Variants in TJP2 observed in about 807,000 individuals in gnomAD.
The protein encoded by TJP2 is Friedreich ataxia region gene X104 (tight junction protein ZO-2).
Under a neutral mutation model 133.1 loss-of-function variants are expected in TJP2, and 91 were observed. That is an observed-to-expected ratio of 0.68 (90% CI 0.58 to 0.81). The LOEUF (loss-of-function observed/expected upper bound fraction) is 0.81. Ranked by LOEUF, TJP2 falls within the 40% of genes least tolerant of loss-of-function variation. The pLI, the probability that TJP2 is intolerant of heterozygous loss-of-function variation, is 0.00. For missense variants in TJP2, 1,541 were observed against 1,565.6 expected, an observed-to-expected ratio of 0.98 and a Z score of 0.26; for synonymous variants, 592 against 583.4, an observed-to-expected ratio of 1.01 and a Z score of -0.21.
chr9:69,204,619 T>G (rs955346090), intron 1 of TJP2, among the ~76,000 whole-genome samples: 2 of 152,236 alleles, frequency 1.3e-5, no homozygotes, highest in African/African-American at 2.4e-5. Flanking sequence ...CAAATGAGTC[T>G]TATCTTCCCC....
intron 2 of TJP2, among the ~76,000 whole-genome samples, chr9:69,155,628 G>T (rs567845779): frequency 2.0e-5 from 3 of 152,220 alleles, no homozygotes; most frequent in Non-Finnish European, 4.4e-5. Flanking sequence ...TGGTGTGTGT[G>T]GCCAGTTTCT....
chr9:69,136,677 TACA>T (rs1188292935), intron 1 of TJP2, among the ~76,000 whole-genome samples: 1 of 152,176 alleles, frequency 6.6e-6, no homozygotes, highest in Non-Finnish European at 1.5e-5. Flanking sequence ...AGGAGGAAAC[TACA>T]TCCATTTCCT....
chr9:69,248,506 C>T, intron 19 of TJP2: 1 of 1,300,088 alleles, frequency 7.7e-7, no homozygotes, highest in East Asian at 2.8e-5. Context: ...GCCGTCTGTC[C>T]AAATTACCAG....
chr9:69,175,361 C>A lies in TJP2; in HGVS notation c.60+929C>A, dbSNP rs184659592. ...CCCAGCGGGGAGGAGGGAGGGAGGT[C>A]GTTTTCTTCAGCTCCCCAGGTGGTC... On this transcript the variant is annotated intron_variant, in intron 1 of 22. Coordinates refer to ENST00000377245, the MANE Select transcript of TJP2 (RefSeq NM_004817.4). Among the ~76,000 whole-genome samples the A allele has an allele frequency of 3.9e-5, 6 of 152,290 alleles. No homozygotes were observed. The East Asian group carries it at 1.2e-3, about 29-fold the overall frequency.
At chr9:69,213,328 C>T (rs1250222336) in intron 2 of TJP2, among the ~76,000 whole-genome samples, 1 of 152,170 alleles carries the variant, frequency 6.6e-6, no homozygotes, top group African/African-American at 2.4e-5. Context: ...CCGCAAAGTG[C>T]TGGGTTGCAG....
intron 1 of TJP2, among the ~76,000 whole-genome samples, chr9:69,209,764 CA>C (rs1183422883): frequency 6.9e-6 from 1 of 144,910 alleles, no homozygotes. Context: ...AAAAAAAAAA[CA>C]AAAAAACTTT....
chr9:69,182,488 G>A lies in TJP2; in HGVS notation c.60+8056G>A, dbSNP rs1825583244. ...TAAATTGAATTTTAATCAAAGGTCT[G>A]AGAGAAATATTTAGTCTACTTATAC... On this transcript the variant is annotated intron_variant, in intron 1 of 22. Transcript: ENST00000377245. 2.0e-5 allele frequency among the ~76,000 whole-genome samples: 3 copies of A among 152,188 alleles called. 1 individual carries two copies. The South Asian group carries it at 6.2e-4, about 32-fold the overall frequency.
intron 16 of TJP2, 25 bp downstream of exon 16, chr9:69,238,814 T>G (rs1830383041): frequency 1.3e-6 from 2 of 1,568,240 alleles, no homozygotes. Context: ...CCACAGACCG[T>G]GTTTTCAGAA....
At chr9:69,244,976 C>T (rs2498422) in intron 17 of TJP2, among the ~76,000 whole-genome samples, 99,989 of 152,070 alleles carry the variant, frequency 0.66, 32,911 homozygotes, top group Admixed American at 0.69. Flanking sequence ...CAACATAAAG[C>T]TTTAAAAGAC....
chr9:69,204,375 A>G (rs1464279594), intron 1 of TJP2, among the ~76,000 whole-genome samples: 1 of 152,186 alleles, frequency 6.6e-6, no homozygotes, highest in African/African-American at 2.4e-5. Flanking sequence ...CCAAGACCAG[A>G]CTTCTGAATT....
chr9:69,211,819 C>G (rs529738662), intron 1 of TJP2, among the ~76,000 whole-genome samples: 2 of 152,172 alleles, frequency 1.3e-5, no homozygotes, highest in African/African-American at 2.4e-5. Flanking sequence ...CAGACCTGAT[C>G]TCCCACCCTG....
At chr9:69,235,514 G>A (rs1026945351) in intron 12 of TJP2, among the ~76,000 whole-genome samples, 2 of 151,762 alleles carry the variant, frequency 1.3e-5, no homozygotes, top group Admixed American at 1.3e-4. Context: ...AGTAGAGACG[G>A]GGTTTCACTG....
chr9:69,176,494 G>A lies in TJP2; in HGVS notation c.60+2062G>A, dbSNP rs368467979. On this transcript the variant is annotated intron_variant, in intron 1 of 22. Coordinates refer to ENST00000377245, the MANE Select transcript of TJP2 (RefSeq NM_004817.4). ...GTTAAAAGGCCTTGAAGGCCATAAC[G>A]AAGCTTTGGGTGGGGGGAAGTCAGA... Among the ~76,000 whole-genome samples, 7 of 152,314 alleles carry A rather than the reference G, an allele frequency of 4.6e-5. No individual in the cohort carries two copies. The East Asian group carries it at 7.7e-4, about 17-fold the overall frequency.
chr9:69,217,519 G>T (rs988313292), intron 3 of TJP2, among the ~76,000 whole-genome samples: 6 of 152,058 alleles, frequency 3.9e-5, no homozygotes, highest in African/African-American at 1.4e-4. Context: ...ATCAGCCTGG[G>T]CAACCTAGTG....
At chr9:69,174,166 C>G (rs140590693), upstream of TJP2, 3,594 of 1,288,458 alleles carry the variant, frequency 2.8e-3, 71 homozygotes, top group African/African-American at 0.048. Flanking sequence ...GCGGCCAGCG[C>G]GGAGGCGCCA....
At chr9:69,171,276 G>C (rs1465098418), upstream of TJP2, among the ~76,000 whole-genome samples, 1 of 152,068 alleles carries the variant, frequency 6.6e-6, no homozygotes, top group Non-Finnish European at 1.5e-5. Context: ...CTAGAATCTG[G>C]CTCCCTTTTG....
chr9:69,186,488 T>C (rs931448558), intron 1 of TJP2, among the ~76,000 whole-genome samples: 1 of 152,234 alleles, frequency 6.6e-6, no homozygotes. Flanking sequence ...GCTAGAAATA[T>C]ATTGACAGAA....
intron 17 of TJP2, 183 bp from the exon 18 acceptor site, chr9:69,246,507 C>T: frequency 1.6e-6 from 1 of 634,672 alleles, no homozygotes; most frequent in Non-Finnish European, 2.9e-6. Flanking sequence ...CAAACAGCTA[C>T]ATGATTAGTA....
At chr9:69,128,524 A>T (rs113526215) in intron 1 of TJP2, among the ~76,000 whole-genome samples, 8,837 of 121,314 alleles carry the variant, frequency 0.073, 422 homozygotes, top group East Asian at 0.25. Flanking sequence ...TTATTAGACC[A>T]TTTTTTTTTT....
Sources: gnomAD v4.1 joint callset for allele counts (sites outside exome capture counted in the v4.1 genomes callset) on GRCh38, gnomAD v4.1.1 for gene constraint, MANE v1.5 for transcripts, NCBI Gene and HGNC (gene_info 2026-07-23, HGNC 2026-07-21) for gene names.